The following CNTN5 variants were observed in gnomAD, a reference collection of about 807,000 sequenced individuals.
CNTN5 encodes the protein contactin-5.
Under a neutral mutation model 129.1 loss-of-function variants are expected in CNTN5, and 77 were observed. The ratio of observed to expected loss-of-function variants is 0.60; its 90% CI spans 0.50 to 0.72. The LOEUF is 0.72. Ranked by LOEUF, CNTN5 falls within the 30% of genes least tolerant of loss-of-function variation. The probability of loss-of-function intolerance (pLI) is 0.00; values close to 1 mark genes in which losing one functional copy is unlikely to be tolerated. For synonymous variants in CNTN5, 509 were observed against 465.6 expected (o/e 1.09, Z -1.20); for missense variants, 1,478 against 1,328.8 (o/e 1.11, Z -1.75).
intron 1 of CNTN5, among the ~76,000 whole-genome samples, chr11:99,088,413 T>C (rs1017402497): frequency 6.6e-6 from 1 of 152,136 alleles, no homozygotes; most frequent in Non-Finnish European, 1.5e-5. Context: ...ATCAAGGCCG[T>C]GATCTTTAAG....
chr11:99,999,303 T>C (rs1591547462), intron 8 of CNTN5, among the ~76,000 whole-genome samples: 3 of 151,872 alleles, frequency 2.0e-5, no homozygotes, highest in African/African-American at 7.3e-5. Flanking sequence ...CTCCAACAAA[T>C]TTACAAGAAA....
chr11:99,542,423 G>A (rs1948149004), intron 2 of CNTN5, among the ~76,000 whole-genome samples: 2 of 152,118 alleles, frequency 1.3e-5, no homozygotes, highest in Admixed American at 1.3e-4. Context: ...TATGGTATCT[G>A]TCTTTCTATG....
intron 2 of CNTN5, among the ~76,000 whole-genome samples, chr11:99,331,643 A>G (rs1269112270): frequency 6.6e-6 from 1 of 152,206 alleles, no homozygotes; most frequent in Non-Finnish European, 1.5e-5. Flanking sequence ...ACTTTTACAT[A>G]TCTGCAGTAG....
chr11:99,938,786 T>C (rs1397457312), intron 7 of CNTN5, among the ~76,000 whole-genome samples: 2 of 152,094 alleles, frequency 1.3e-5, no homozygotes, highest in Non-Finnish European at 2.9e-5. Flanking sequence ...AAGAAAAATA[T>C]ATCTCTACTT....
intron 18 of CNTN5, among the ~76,000 whole-genome samples, chr11:100,272,427 T>A (rs376852285): frequency 1.3e-5 from 2 of 151,708 alleles, no homozygotes; most frequent in East Asian, 1.9e-4. Context: ...AAGCTTATAA[T>A]CATTAAAATA....
chr11:99,711,737 T>C (rs1954998214), intron 3 of CNTN5, among the ~76,000 whole-genome samples: 1 of 151,956 alleles, frequency 6.6e-6, no homozygotes, highest in South Asian at 2.1e-4. Context: ...CGGTGTTTGG[T>C]TTACTGTTCT....
intron 1 of CNTN5, among the ~76,000 whole-genome samples, chr11:99,180,286 C>T (rs147817736): frequency 0.027 from 4,176 of 152,278 alleles, 186 homozygotes; most frequent in African/African-American, 0.095. Context: ...GATATTTACA[C>T]TCACCAGACT....
At chr11:100,200,095 T>A (rs940047988) in intron 15 of CNTN5, among the ~76,000 whole-genome samples, 2 of 151,930 alleles carry the variant, frequency 1.3e-5, no homozygotes, top group Non-Finnish European at 2.9e-5. Context: ...GTTAGCACAG[T>A]TTGGAATTGA....
chr11:99,827,193 T>C (rs1946989745), intron 4 of CNTN5, among the ~76,000 whole-genome samples: 1 of 152,168 alleles, frequency 6.6e-6, no homozygotes. Context: ...GTTCAAGCGA[T>C]TCTCTAACGT....
intron 2 of CNTN5, among the ~76,000 whole-genome samples, chr11:99,368,987 T>A (rs900038240): frequency 4.6e-5 from 7 of 151,676 alleles, no homozygotes; most frequent in African/African-American, 1.7e-4. Context: ...TGGCAAAAGT[T>A]TTTGTCTAAG....
intron 14 of CNTN5, among the ~76,000 whole-genome samples, chr11:100,192,364 T>C (rs1948518702): frequency 6.6e-6 from 1 of 152,040 alleles, no homozygotes; most frequent in South Asian, 2.1e-4. Flanking sequence ...AGGCCAGAAC[T>C]TAGAATGCCA....
intron 7 of CNTN5, among the ~76,000 whole-genome samples, chr11:99,939,182 A>G (rs1390954801): frequency 6.6e-6 from 1 of 152,126 alleles, no homozygotes; most frequent in Non-Finnish European, 1.5e-5. Flanking sequence ...AATGTAAGAA[A>G]TTGATTTCTT....
At position 99,916,040 on chromosome 11, in the gene CNTN5, T is replaced by C. The variant is rs1401465720; in HGVS notation, c.578-14T>C. 1.9e-6 allele frequency: 3 copies of C among 1,600,402 alleles called. No homozygotes were observed. The highest frequency in any genetic ancestry group is 2.6e-6 in the Non-Finnish European group (3 of 1,170,214). On this transcript the variant is annotated splice_polypyrimidine_tract_variant and intron_variant, in intron 6 of 24. Coordinates refer to ENST00000524871, the MANE Select transcript of CNTN5 (RefSeq NM_014361.4). Reference sequence around the variant, plus strand: ...TTTTCTGCCTTGGATCTAAATGTTTTATTATGTTGACAGATCTGGGAAATT... The same window carrying C: ...TTTTCTGCCTTGGATCTAAATGTTTCATTATGTTGACAGATCTGGGAAATT...
At chr11:99,233,479 G>A (rs1861108297) in intron 1 of CNTN5, among the ~76,000 whole-genome samples, 1 of 152,162 alleles carries the variant, frequency 6.6e-6, no homozygotes, top group Admixed American at 6.5e-5. Flanking sequence ...TGATGTTTCA[G>A]ATATCGTCAA....
chr11:100,171,285 G>A (rs548399062), intron 13 of CNTN5, among the ~76,000 whole-genome samples: 5 of 152,034 alleles, frequency 3.3e-5, no homozygotes, highest in South Asian at 2.1e-4. Context: ...ATCTTGCCCC[G>A]GATGCTATCT....
chr11:99,301,320 T>C (rs538682503), intron 1 of CNTN5, among the ~76,000 whole-genome samples: 2 of 150,604 alleles, frequency 1.3e-5, no homozygotes, highest in Non-Finnish European at 3.0e-5. Context: ...AAAAAAAAGA[T>C]TAAAAAAAGG....
chr11:99,176,102 T>C (rs11218644), intron 1 of CNTN5, among the ~76,000 whole-genome samples: 19,971 of 152,210 alleles, frequency 0.13, 1,456 homozygotes, highest in Middle Eastern at 0.24. Context: ...CAATGGCAAA[T>C]ACTTAGTCCT....
chr11:99,043,453 G>A (rs560698013), intron 1 of CNTN5, among the ~76,000 whole-genome samples: 24 of 152,098 alleles, frequency 1.6e-4, no homozygotes, highest in Non-Finnish European at 2.9e-4. Context: ...AGAATAATTA[G>A]AACTTGCACA....
In CNTN5 at chr11:99,422,518, T is replaced by TATATA. The variant is rs1565569181; in HGVS notation, c.-71+97034_-71+97035insATATA. Among the ~76,000 whole-genome samples, 232 of 83,244 alleles carry TATATA rather than the reference T, an allele frequency of 2.8e-3. 1 individual carries two copies. The highest frequency in any genetic ancestry group is 4.3e-3 in the Non-Finnish European group (175 of 40,682). The allele number at this position is 83,244 out of a possible 152,430, so 54.6% of individuals were successfully genotyped here. Reference sequence around the variant, plus strand: ...AAGCGATTCATGTTACTTTATATTTTTATATATATATATATATATATATAT... The same window carrying TATATA: ...AAGCGATTCATGTTACTTTATATTTTATATATATATATATATATATATATATATAT... On this transcript the variant is annotated intron_variant, in intron 2 of 24. Transcript: ENST00000524871.
Sources: gnomAD v4.1 joint callset for allele counts (sites outside exome capture counted in the v4.1 genomes callset) on GRCh38, gnomAD v4.1.1 for gene constraint, MANE v1.5 for transcripts, NCBI Gene and HGNC (gene_info 2026-07-23, HGNC 2026-07-21) for gene names.